RAB11FIP4: variants seen among roughly 807,000 people sequenced by gnomAD.
RAB11FIP4 encodes RAB11 family interacting protein 4.
In RAB11FIP4, 23 loss-of-function variants were observed where a neutral mutation model predicts 74.3. The ratio of observed to expected loss-of-function variants is 0.31; its 90% confidence interval spans 0.22 to 0.44. RAB11FIP4 has a LOEUF of 0.44. Ranked by LOEUF, RAB11FIP4 falls within the 20% of genes least tolerant of loss-of-function variation. RAB11FIP4 has a pLI of 1.00. For synonymous variants in RAB11FIP4, 360 were observed against 359.9 expected (o/e 1.00, Z 0.00); for missense variants, 630 against 863.9 (o/e 0.73, Z 3.39).
intron 11 of RAB11FIP4, 85 bp downstream of exon 11, chr17:31,528,008 C>T (rs72817704): frequency 0.053 from 54,850 of 1,041,212 alleles, 1,756 homozygotes; most frequent in Non-Finnish European, 0.058. Flanking sequence ...AAACAAATGC[C>T]GCACCCCCTA....
At chr17:31,492,374 C>T (rs1220325734) in intron 3 of RAB11FIP4, among the ~76,000 whole-genome samples, 2 of 152,146 alleles carry the variant, frequency 1.3e-5, no homozygotes, top group South Asian at 2.1e-4. Flanking sequence ...ATGCGGCATT[C>T]GGATGGGGCA....
At chr17:31,411,749 C>A (rs1385119742) in intron 1 of RAB11FIP4, among the ~76,000 whole-genome samples, 1 of 152,280 alleles carries the variant, frequency 6.6e-6, no homozygotes, top group Non-Finnish European at 1.5e-5. Flanking sequence ...CTCAAGACCT[C>A]CCCTGTGGCC....
rs748838921 is a variant in RAB11FIP4 at position 31,528,726 on chromosome 17, A to G, written c.1601A>G (p.Asn534Ser). ...RSASSGLGEF[N>S]ARAREVELEH... ...GCCTCCTCTGGCCTAGGCGAGTTCA[A>G]TGCCAGGGCCCGCGAGGTGGAGCTC... The change falls in exon 13 of 15, where the codon AAT becomes AGT. Residue 534 changes from asparagine to serine, a missense_variant. Coordinates refer to ENST00000621161, the MANE Select transcript of RAB11FIP4 (RefSeq NM_032932.6). 1.8e-5 allele frequency: 29 copies of G among 1,612,086 alleles called. No homozygotes were observed. Among genetic ancestry groups the G allele is most frequent in the Admixed American group, 1.3e-4 (8 of 59,960 alleles).
intron 3 of RAB11FIP4, among the ~76,000 whole-genome samples, chr17:31,462,086 A>C (rs975578411): frequency 4.6e-5 from 7 of 151,432 alleles, no homozygotes; most frequent in African/African-American, 1.7e-4. Flanking sequence ...ATATGATGAA[A>C]CCCCCATCTC....
chr17:31,402,905 G>A lies in RAB11FIP4; in HGVS notation c.159+10894G>A, dbSNP rs149087458. On this transcript the variant is annotated intron_variant, in intron 1 of 14. Coordinates refer to ENST00000621161, the MANE Select transcript of RAB11FIP4 (RefSeq NM_032932.6). ...CTCCCAAAGTGCTGGGATTACAGGC[G>A]TGAGCCACCGCGCCTGGCCAGATTA... Among the ~76,000 whole-genome samples, 94 of 152,162 alleles carry A rather than the reference G, an allele frequency of 6.2e-4. 1 individual carries two copies. The highest frequency in any genetic ancestry group is 3.9e-3 in the South Asian group (19 of 4,824).
chr17:31,536,037 TG>T lies in RAB11FIP4; in HGVS notation c.*4317del, dbSNP rs35128309. 45,992 of 102,820 alleles carry T rather than the reference TG, an allele frequency of 0.45. 7,905 individuals carry two copies. Among genetic ancestry groups the T allele is most frequent in the East Asian group, 0.55 (2,036 of 3,700 alleles). 6.4% of individuals were successfully genotyped at this position (102,820 alleles called of 1,614,324 possible). On this transcript the variant is annotated 3_prime_UTR_variant, in exon 15 of 15. Transcript: ENST00000621161. ...CACTGGTGCTGGTGTTCAGGGGAGT[TG>T]GGGGGGGGGGGCGCGGGGACAGAAG...
At chr17:31,442,971 A>G (rs931333268) in intron 3 of RAB11FIP4, among the ~76,000 whole-genome samples, 4 of 151,854 alleles carry the variant, frequency 2.6e-5, no homozygotes, top group African/African-American at 9.7e-5. Flanking sequence ...AAAAAAAAAA[A>G]AAAGAAAAGG....
chr17:31,427,648 TC>T (rs771299990), intron 1 of RAB11FIP4, among the ~76,000 whole-genome samples: 14 of 152,202 alleles, frequency 9.2e-5, no homozygotes, highest in Non-Finnish European at 1.2e-4. Flanking sequence ...TTGACTTGCT[TC>T]AGAAATAATG....
At chr17:31,531,313 C>T (rs60795134) in intron 14 of RAB11FIP4, among the ~76,000 whole-genome samples, 4,000 of 152,262 alleles carry the variant, frequency 0.026, 160 homozygotes, top group African/African-American at 0.091. Flanking sequence ...TTTTAAATGA[C>T]TTTGGCTAGT....
At chr17:31,406,850 CT>C (rs1173357137) in intron 1 of RAB11FIP4, among the ~76,000 whole-genome samples, 1 of 151,948 alleles carries the variant, frequency 6.6e-6, no homozygotes, top group Non-Finnish European at 1.5e-5. Context: ...AAAAGTTTTC[CT>C]GTGTGTGAAT....
intron 3 of RAB11FIP4, among the ~76,000 whole-genome samples, chr17:31,479,691 G>C (rs1305783870): frequency 6.6e-6 from 1 of 152,192 alleles, no homozygotes; most frequent in African/African-American, 2.4e-5. Flanking sequence ...TCATACCTGG[G>C]TGGAGTTTTG....
chr17:31,517,534 G>A, intron 3 of RAB11FIP4, 117 bp from the exon 4 acceptor site: 1 of 929,738 alleles, frequency 1.1e-6, no homozygotes, highest in Non-Finnish European at 1.7e-6. Flanking sequence ...CGGGATCTGG[G>A]CCTCCTGTAC....
chr17:31,417,192 C>T (rs1283230432), intron 1 of RAB11FIP4, among the ~76,000 whole-genome samples: 2 of 152,136 alleles, frequency 1.3e-5, no homozygotes, highest in Non-Finnish European at 2.9e-5. Flanking sequence ...GCCTCCGGTA[C>T]CCCAGTGTCC....
intron 3 of RAB11FIP4, among the ~76,000 whole-genome samples, chr17:31,498,410 G>A (rs1381943117): frequency 6.6e-6 from 1 of 152,208 alleles, no homozygotes; most frequent in Non-Finnish European, 1.5e-5. Flanking sequence ...AGACCATGGG[G>A]GCTATGTGCT....
chr17:31,528,428 G>T lies in RAB11FIP4; in HGVS notation c.1379G>T (p.Arg460Leu). ...CAGGAGCGGCAGCGCATGTCTGACC[G>T]TCTGGAGGACACCAGCCTGCGGCTC... Reference protein sequence around the residue: ...LDEERQRMSDRLEDTSLRLKD... With the variant: ...LDEERQRMSDLLEDTSLRLKD... Residue 460 changes from arginine to leucine, a missense_variant, in exon 12 of 15, where the codon CGT (arginine) becomes CTT (leucine). By Grantham distance (102) the Arg-to-Leu change is moderately radical. Transcript: ENST00000621161. 1 of 1,613,052 alleles carries T rather than the reference G, an allele frequency of 6.2e-7. No homozygotes were observed. Among genetic ancestry groups the T allele is most frequent in the Non-Finnish European group, 8.5e-7 (1 of 1,180,024 alleles).
chr17:31,492,349 G>A lies in RAB11FIP4; in HGVS notation c.337-25302G>A, dbSNP rs77111977. Among the ~76,000 whole-genome samples the A allele has an allele frequency of 7.8e-3, 1,195 of 152,300 alleles. 10 individuals carry two copies. Among genetic ancestry groups the A allele is most frequent in the African/African-American group, 0.028 (1,144 of 41,562 alleles). ...ATCATATATATGTGTGTACACACAC[G>A]TGTGTTTGCGTGTCATGCGGCATTC... On this transcript the variant is annotated intron_variant, in intron 3 of 14. Transcript: ENST00000621161.
At chr17:31,510,771 G>C (rs8074395) in intron 3 of RAB11FIP4, among the ~76,000 whole-genome samples, 1 of 152,124 alleles carries the variant, frequency 6.6e-6, no homozygotes, top group Admixed American at 6.5e-5. Flanking sequence ...AGTGAGCCAC[G>C]GTGGGTAGAG....
chr17:31,443,754 A>G (rs1323046242), intron 3 of RAB11FIP4, among the ~76,000 whole-genome samples: 3 of 152,178 alleles, frequency 2.0e-5, no homozygotes, highest in Non-Finnish European at 4.4e-5. Context: ...TACTGAAAAA[A>G]AAAGAAAAAA....
chr17:31,419,334 A>T, intron 1 of RAB11FIP4, among the ~76,000 whole-genome samples: 1 of 147,078 alleles, frequency 6.8e-6, no homozygotes, highest in South Asian at 2.1e-4. Context: ...TTGCCACTTG[A>T]TTTCTCTGCA....
Sources: allele counts gnomAD v4.1 joint callset (sites outside exome capture counted in the v4.1 genomes callset), GRCh38; gene constraint gnomAD v4.1.1; transcripts MANE v1.5; gene names NCBI Gene and HGNC (gene_info 2026-07-23, HGNC 2026-07-21).